The following DOCK4 variants were observed in gnomAD, a reference collection of about 807,000 sequenced individuals.
DOCK4 encodes the protein dedicator of cytokinesis protein 4.
A neutral mutation model predicts 268.1 loss-of-function variants in DOCK4; 97 were observed. The observed-to-expected ratio is 0.36, with a 90% CI of 0.31 to 0.43. The LOEUF (loss-of-function observed/expected upper bound fraction) is 0.43. Ranked by LOEUF, DOCK4 falls within the 20% of genes least tolerant of loss-of-function variation. The probability of loss-of-function intolerance (pLI) is 1.00; values close to 1 mark genes in which losing one functional copy is unlikely to be tolerated. For synonymous variants in DOCK4, 954 were observed against 887.2 expected, an observed-to-expected ratio of 1.08 and a Z score of -1.34; for missense variants, 2,145 against 2,455.7, an observed-to-expected ratio of 0.87 and a Z score of 2.67.
intron 23 of DOCK4, among the ~76,000 whole-genome samples, chr7:111,854,481 C>G (rs1042164152): frequency 6.6e-6 from 1 of 152,158 alleles, no homozygotes; most frequent in Admixed American, 6.5e-5. Flanking sequence ...TGGGTCTTGC[C>G]GATGCTCCCA....
chr7:112,156,012 C>T (rs778066751), intron 1 of DOCK4, among the ~76,000 whole-genome samples: 9 of 152,204 alleles, frequency 5.9e-5, no homozygotes, highest in Non-Finnish European at 1.2e-4. Flanking sequence ...TCACTCCACA[C>T]AGGAATCATA....
chr7:111,976,155 A>T (rs1433570332), intron 8 of DOCK4, among the ~76,000 whole-genome samples: 92 of 73,474 alleles, frequency 1.3e-3, no homozygotes, highest in African/African-American at 2.8e-3. Flanking sequence ...AAAAAAAAAA[A>T]AAAAAAATAT....
intron 27 of DOCK4, among the ~76,000 whole-genome samples, chr7:111,816,856 A>C (rs1801597494): frequency 6.6e-6 from 1 of 152,222 alleles, no homozygotes; most frequent in African/African-American, 2.4e-5. Context: ...CTGAAATTAG[A>C]CAGGCAAAGC....
At chr7:112,018,179 A>AAAAAAAAAAAAAAAAAAAAAAAC in intron 1 of DOCK4, among the ~76,000 whole-genome samples, 1 of 72,590 alleles carries the variant, frequency 1.4e-5, no homozygotes, top group Non-Finnish European at 2.9e-5. Flanking sequence ...AAAAAAAAAA[A>AAAAAAAAAAAAAAAAAAAAAAAC]ACACAGGCAA....
At chr7:111,994,055 A>G (rs1030059964) in intron 5 of DOCK4, 80 bp downstream of exon 5, 11 of 858,794 alleles carry the variant, frequency 1.3e-5, no homozygotes, top group South Asian at 1.7e-5. Context: ...GTGCTATATT[A>G]GTTAATGCTT....
intron 27 of DOCK4, among the ~76,000 whole-genome samples, chr7:111,814,601 G>A (rs1563541519): frequency 1.3e-5 from 2 of 152,180 alleles, no homozygotes; most frequent in African/African-American, 4.8e-5. Flanking sequence ...AAGCTCCAGC[G>A]GATGCTAATG....
intron 1 of DOCK4, among the ~76,000 whole-genome samples, chr7:112,150,281 G>A (rs1451689192): frequency 2.0e-5 from 3 of 152,092 alleles, no homozygotes; most frequent in Non-Finnish European, 1.5e-5. Flanking sequence ...GTCTTATCAT[G>A]GTTGGCAGAA....
At chr7:111,745,768 G>A (rs1402234682) in intron 44 of DOCK4, among the ~76,000 whole-genome samples, 1 of 140,798 alleles carries the variant, frequency 7.1e-6, no homozygotes, top group Non-Finnish European at 1.5e-5. Flanking sequence ...AATGTTTTAA[G>A]AGACCACATG....
intron 48 of DOCK4, 28 bp downstream of exon 48, chr7:111,739,368 T>G: frequency 1.9e-6 from 3 of 1,595,216 alleles, no homozygotes; most frequent in Non-Finnish European, 2.6e-6. Flanking sequence ...CTGGGCACCC[T>G]CAGTCTTCCC....
chr7:112,032,931 G>A (rs966127235), intron 1 of DOCK4, among the ~76,000 whole-genome samples: 1 of 151,992 alleles, frequency 6.6e-6, no homozygotes, highest in African/African-American at 2.4e-5. Context: ...ATTCCTAAAG[G>A]GGAAAAGAGG....
At chr7:111,870,374 T>G (rs1806322580) in intron 20 of DOCK4, among the ~76,000 whole-genome samples, 1 of 149,098 alleles carries the variant, frequency 6.7e-6, no homozygotes, top group African/African-American at 2.5e-5. Context: ...CCCAGGCTGG[T>G]GTGCAGTGGC....
intron 30 of DOCK4, among the ~76,000 whole-genome samples, chr7:111,804,928 A>G (rs1359196444): frequency 6.6e-6 from 1 of 152,172 alleles, no homozygotes; most frequent in African/African-American, 2.4e-5. Flanking sequence ...GTATTTTACC[A>G]CAATTAAAAA....
chr7:112,132,988 A>C (rs41149), intron 1 of DOCK4, among the ~76,000 whole-genome samples: 11 of 152,160 alleles, frequency 7.2e-5, no homozygotes, highest in Non-Finnish European at 1.2e-4. Flanking sequence ...ACTGGTATTC[A>C]GGGCTCTTAA....
intron 1 of DOCK4, among the ~76,000 whole-genome samples, chr7:112,108,860 G>T (rs1055954857): frequency 6.6e-6 from 1 of 152,150 alleles, no homozygotes; most frequent in Non-Finnish European, 1.5e-5. Context: ...TGCTTCTTAG[G>T]GGTATAAGTA....
chr7:111,753,346 A>G (rs1796816676), intron 42 of DOCK4, among the ~76,000 whole-genome samples: 1 of 152,210 alleles, frequency 6.6e-6, no homozygotes, highest in African/African-American at 2.4e-5. Context: ...GTGATGGCAC[A>G]TGCTTGTGGT....
intron 1 of DOCK4, among the ~76,000 whole-genome samples, chr7:112,165,269 G>A (rs1185663450): frequency 6.6e-6 from 1 of 151,992 alleles, no homozygotes; most frequent in Non-Finnish European, 1.5e-5. Context: ...CTATATTTGT[G>A]CATGTTTGTA....
At chr7:112,161,317 C>A (rs114644699) in intron 1 of DOCK4, among the ~76,000 whole-genome samples, 2 of 152,206 alleles carry the variant, frequency 1.3e-5, no homozygotes, top group Admixed American at 6.5e-5. Flanking sequence ...GCAAAATCCA[C>A]GTAAGAAAAT....
chr7:112,045,111 A>C (rs901701313), intron 1 of DOCK4, among the ~76,000 whole-genome samples: 2 of 151,832 alleles, frequency 1.3e-5, no homozygotes, highest in East Asian at 3.9e-4. Flanking sequence ...TGCTGAGCTC[A>C]CCTCCTGCCA....
At chr7:112,133,448 T>C (rs943004198) in intron 1 of DOCK4, among the ~76,000 whole-genome samples, 2 of 152,170 alleles carry the variant, frequency 1.3e-5, no homozygotes, top group Non-Finnish European at 2.9e-5. Context: ...AAAGGCTGCT[T>C]GGCCCAGGTA....
Sources: allele counts gnomAD v4.1 joint callset (sites outside exome capture counted in the v4.1 genomes callset), GRCh38; gene constraint gnomAD v4.1.1; transcripts MANE v1.5; gene names NCBI Gene and HGNC (gene_info 2026-07-23, HGNC 2026-07-21).